SLC2A14: variants seen among roughly 807,000 people sequenced by gnomAD.
The protein encoded by SLC2A14 is solute carrier family 2, facilitated glucose transporter member 14.
Under a neutral mutation model 43.0 loss-of-function variants are expected in SLC2A14, and 13 were observed. The observed-to-expected ratio is 0.30, with a 90% CI of 0.20 to 0.48. SLC2A14 has a LOEUF of 0.48. Ranked by LOEUF, SLC2A14 falls within the 20% of genes least tolerant of loss-of-function variation. The pLI is 0.99. For synonymous variants in SLC2A14, 190 were observed against 233.8 expected (o/e 0.81, Z 1.71); for missense variants, 428 against 620.4 (o/e 0.69, Z 3.29).
chr12:7,875,045 ATT>A (rs1365672453), upstream of SLC2A14, among the ~76,000 whole-genome samples: 4 of 117,862 alleles, frequency 3.4e-5, no homozygotes, highest in Non-Finnish European at 6.4e-5. Context: ...ATAAATATAT[ATT>A]TATATATAAA....
chr12:7,873,245 A>G, upstream of SLC2A14: 1 of 985,490 alleles, frequency 1.0e-6, no homozygotes, highest in Non-Finnish European at 1.2e-6. Flanking sequence ...TCTATTTTCA[A>G]AGATACCCGA....
At chr12:7,885,928 C>G (rs1205860587) in intron 1 of SLC2A14, among the ~76,000 whole-genome samples, 1 of 151,872 alleles carries the variant, frequency 6.6e-6, no homozygotes, top group Non-Finnish European at 1.5e-5. Flanking sequence ...TTCATAGATA[C>G]ATATGTGAAG....
At chr12:7,870,879 A>C in intron 1 of SLC2A14, 1 of 249,720 alleles carries the variant, frequency 4.0e-6, no homozygotes, top group Non-Finnish European at 5.1e-6. Flanking sequence ...CAAAGCCAAG[A>C]CCACCAAGAA....
At chr12:7,850,488 T>C (rs1032300945) in intron 2 of SLC2A14, among the ~76,000 whole-genome samples, 15 of 151,208 alleles carry the variant, frequency 9.9e-5, no homozygotes, top group Non-Finnish European at 1.9e-4. Flanking sequence ...ATCCGTCTCC[T>C]GGGTTCAAGC....
At chr12:7,816,599 C>T (rs764520587) in intron 10 of SLC2A14, among the ~76,000 whole-genome samples, 2 of 151,554 alleles carry the variant, frequency 1.3e-5, no homozygotes, top group South Asian at 2.1e-4. Flanking sequence ...CACCATGGTG[C>T]CTGCCTGTAA....
chr12:7,873,050 C>A, upstream of SLC2A14: 1 of 985,510 alleles, frequency 1.0e-6, no homozygotes, highest in Non-Finnish European at 1.2e-6. Context: ...GGCTCGCGGT[C>A]GGGGTTGTCC....
chr12:7,827,828 G>A (rs1864628017), intron 6 of SLC2A14, 146 bp from the exon 7 acceptor site: 4 of 1,471,122 alleles, frequency 2.7e-6, no homozygotes, highest in African/African-American at 1.4e-5. Context: ...TCATTCTTTA[G>A]GGGCTGAAAA....
chr12:7,817,123 T>C (rs774936453), intron 10 of SLC2A14, among the ~76,000 whole-genome samples: 2 of 151,816 alleles, frequency 1.3e-5, no homozygotes, highest in African/African-American at 4.8e-5. Context: ...TATTATTATA[T>C]ATATTTTTTG....
intron 1 of SLC2A14, among the ~76,000 whole-genome samples, chr12:7,880,652 C>A (rs2121104959): frequency 7.1e-6 from 1 of 140,736 alleles, no homozygotes; most frequent in East Asian, 2.1e-4. Context: ...CATGGAGAAA[C>A]CCTGTCTCTA....
At chr12:7,817,764 A>ATAGATAGATAGAT in intron 10 of SLC2A14, 67 bp downstream of exon 10, 1 of 1,496,706 alleles carries the variant, frequency 6.7e-7, no homozygotes, top group Non-Finnish European at 9.2e-7. Flanking sequence ...AGATAGATAG[A>ATAGATAGATAGAT]TAGATAGATA....
At chr12:7,860,020 G>A (rs751414646) in intron 2 of SLC2A14, among the ~76,000 whole-genome samples, 15 of 152,158 alleles carry the variant, frequency 9.9e-5, no homozygotes, top group Non-Finnish European at 1.8e-4. Flanking sequence ...CCCACGCCTG[G>A]TGCTTTTGCA....
At chr12:7,821,194 C>T (rs372328795) in intron 8 of SLC2A14, 27 bp downstream of exon 8, 6 of 1,574,768 alleles carry the variant, frequency 3.8e-6, no homozygotes, top group Non-Finnish European at 5.2e-6. Flanking sequence ...ATTTCTCCCC[C>T]CAAAATTATC....
intron 1 of SLC2A14, among the ~76,000 whole-genome samples, chr12:7,882,144 C>T (rs986782392): frequency 4.6e-5 from 7 of 152,018 alleles, no homozygotes; most frequent in Admixed American, 2.0e-4. Flanking sequence ...GTTTTTGGGT[C>T]TGCACTGCTT....
chr12:7,862,440 C>T (rs755442849), intron 2 of SLC2A14, among the ~76,000 whole-genome samples: 1 of 152,238 alleles, frequency 6.6e-6, no homozygotes, highest in African/African-American at 2.4e-5. Context: ...GGCTCGGGAC[C>T]TGCAGCCCGC....
At chr12:7,863,292 G>T in intron 2 of SLC2A14, 1 of 432,396 alleles carries the variant, frequency 2.3e-6, no homozygotes, top group Non-Finnish European at 4.6e-6. Context: ...CCCACCAGAA[G>T]GAAAACACTC....
In SLC2A14 at chr12:7,837,379, G is replaced by A. The variant is rs189243630; in HGVS notation, c.19-4565C>T. On this transcript the variant is annotated intron_variant, in intron 2 of 10. Coordinates refer to ENST00000431042, the MANE Select transcript of SLC2A14 (RefSeq NM_001286234.2). ...TGGTTAACATGGGCCAGGCGCAGTGGCTCACACTTGTAATCTTTGGGAGGC... is the reference window on the plus strand; with the variant it reads ...TGGTTAACATGGGCCAGGCGCAGTGACTCACACTTGTAATCTTTGGGAGGC... Among the ~76,000 whole-genome samples the A allele has an allele frequency of 2.9e-3, 443 of 152,170 alleles. 3 individuals are homozygous for A. Among genetic ancestry groups the A allele is most frequent in the African/African-American group, 0.01 (420 of 41,550 alleles).
intron 1 of SLC2A14, among the ~76,000 whole-genome samples, chr12:7,884,306 G>C (rs1945652483): frequency 6.6e-6 from 1 of 152,058 alleles, no homozygotes; most frequent in Non-Finnish European, 1.5e-5. Flanking sequence ...CTGGAGGCTG[G>C]GACCTCTTGC....
intron 2 of SLC2A14, among the ~76,000 whole-genome samples, chr12:7,858,434 C>T (rs1944372400): frequency 6.6e-6 from 1 of 152,168 alleles, no homozygotes; most frequent in Non-Finnish European, 1.5e-5. Flanking sequence ...CTATAATTGT[C>T]TCCCATTCTG....
At chr12:7,846,162 A>T (rs1172833633) in intron 2 of SLC2A14, among the ~76,000 whole-genome samples, 2 of 152,058 alleles carry the variant, frequency 1.3e-5, no homozygotes, top group African/African-American at 4.8e-5. Flanking sequence ...ATCCCCCCAG[A>T]CCTACAGAAT....
Sources: gnomAD v4.1 joint callset for allele counts (sites outside exome capture counted in the v4.1 genomes callset) on GRCh38, gnomAD v4.1.1 for gene constraint, MANE v1.5 for transcripts, NCBI Gene and HGNC (gene_info 2026-07-23, HGNC 2026-07-21) for gene names.